Variants in NFIX observed in about 807,000 individuals in gnomAD.
NFIX encodes the protein nuclear factor I X, also known as nuclear factor 1 X-type.
Under a neutral mutation model 53.3 loss-of-function variants are expected in NFIX, and 2 were observed. That is an observed-to-expected ratio of 0.04 (90% CI 0.02 to 0.12). NFIX has a LOEUF of 0.12. NFIX is among the 10% of genes least tolerant of loss of function. The probability of loss-of-function intolerance (pLI) is 1.00; values close to 1 mark genes in which losing one functional copy is unlikely to be tolerated. For missense variants in NFIX, 310 were observed against 674.5 expected, an observed-to-expected ratio of 0.46 and a Z score of 5.99; for synonymous variants, 244 against 289.0, an observed-to-expected ratio of 0.84 and a Z score of 1.58.
chr19:13,078,812 G>C lies in NFIX; in HGVS notation c.1078+77G>C. 1 of 1,483,324 alleles carries C rather than the reference G, an allele frequency of 6.7e-7. No individual in the cohort carries two copies. Among genetic ancestry groups the C allele is most frequent in the Non-Finnish European group, 9.1e-7 (1 of 1,101,858 alleles). The allele number at this position is 1,483,324 out of a possible 1,614,324, so 91.9% of individuals were successfully genotyped here. ...CTAGGGGCAGCTGGCCAGGTGAAGG[G>C]GCCAGAGCTGACCCCGAGTGACAGC... On this transcript the variant is annotated intron_variant, in intron 7 of 10. Transcript: ENST00000592199. The surrounding 1 kb of genome is among the most constrained non-coding windows in gnomAD (Gnocchi z 4.7).
At chr19:13,083,881 T>C (rs2017620361) in intron 8 of NFIX, among the ~76,000 whole-genome samples, 1 of 152,118 alleles carries the variant, frequency 6.6e-6, no homozygotes, top group South Asian at 2.1e-4. Context: ...ACTGATCCAG[T>C]GGGTAGGGAG....
rs1251574715 is a variant in NFIX at position 13,094,815 on chromosome 19, C to T, written c.*166C>T. On this transcript the variant is annotated 3_prime_UTR_variant, in exon 11 of 11. Coordinates refer to ENST00000592199, the MANE Select transcript of NFIX (RefSeq NM_001365902.3). This position sits in a 1 kb window ranked among gnomAD's most constrained non-coding sequence, Gnocchi z 4.3. ...CCTTCTCTCCTCCAGCCCGGGGACC[C>T]CCGCGGGCCCCAGAAGCAGCCCAGT... is the stretch of plus-strand genomic sequence containing the variant. The T allele has an allele frequency of 1.5e-6, 1 of 686,552 alleles. No homozygotes were observed. Among genetic ancestry groups the T allele is most frequent in the East Asian group, 2.8e-5 (1 of 36,076 alleles). 42.5% of individuals were successfully genotyped at this position (686,552 alleles called of 1,614,324 possible).
rs2017947693 is a variant in NFIX, at chr19:13,088,671, C to A, written c.1402+535C>A. ...AAGACGCAGCAGGCCAGCCCGACCC[C>A]TTCCCCCTCAGTCTCACATTTGGTT... On this transcript the variant is annotated intron_variant, in intron 9 of 10. Coordinates refer to ENST00000592199, the MANE Select transcript of NFIX (RefSeq NM_001365902.3). This position sits in a 1 kb window ranked among gnomAD's most constrained non-coding sequence, Gnocchi z 5.9. 6.6e-6 allele frequency among the ~76,000 whole-genome samples: 1 copy of A among 151,940 alleles called. No individual in the cohort carries two copies.
chr19:13,088,273 A>G lies in NFIX; in HGVS notation c.1402+137A>G. 9.1e-7 allele frequency: 1 copy of G among 1,104,760 alleles called. No individual in the cohort carries two copies. The allele number at this position is 1,104,760 out of a possible 1,614,324, so 68.4% of individuals were successfully genotyped here. Reference sequence around the variant, plus strand: ...CCCAGAGCACCATGGACAAGAGCAGAGCCGAGCCCCCCAACCACAGCCTCC... The same window carrying G: ...CCCAGAGCACCATGGACAAGAGCAGGGCCGAGCCCCCCAACCACAGCCTCC... On this transcript the variant is annotated intron_variant, in intron 9 of 10. Transcript: ENST00000592199. This position sits in a 1 kb window ranked among gnomAD's most constrained non-coding sequence, Gnocchi z 5.9.
chr19:13,019,819 C>A (rs1186146189), intron 1 of NFIX, among the ~76,000 whole-genome samples: 1 of 150,300 alleles, frequency 6.7e-6, no homozygotes, highest in African/African-American at 2.5e-5. Flanking sequence ...TTTCCACAAA[C>A]CAAAAACCCA....
chr19:13,097,183 T>C lies in NFIX; in HGVS notation c.*2534T>C, dbSNP rs2018515084. ...TGTTTTTCCCTTTTTTTTGTTCGTT[T>C]TTAGTTTTTTTTTTTTTAAGTCGTT... On this transcript the variant is annotated 3_prime_UTR_variant, in exon 11 of 11. Transcript: ENST00000592199. 6.7e-6 allele frequency: 1 copy of C among 150,042 alleles called. No individual in the cohort carries two copies. Among genetic ancestry groups the C allele is most frequent in the Admixed American group, 6.6e-5 (1 of 15,114 alleles). 9.3% of individuals were successfully genotyped at this position (150,042 alleles called of 1,614,324 possible).
At position 13,081,617 on chromosome 19, in the gene NFIX, G is replaced by C; in HGVS notation, c.1079-63G>C. 6.4e-7 allele frequency: 1 copy of C among 1,551,262 alleles called. No homozygotes were observed. The highest frequency in any genetic ancestry group is 8.7e-7 in the Non-Finnish European group (1 of 1,143,822). On this transcript the variant is annotated intron_variant, in intron 7 of 10. Coordinates refer to ENST00000592199, the MANE Select transcript of NFIX (RefSeq NM_001365902.3). This position sits in a 1 kb window ranked among gnomAD's most constrained non-coding sequence, Gnocchi z 4.7. ...TGACCGGCAGCTCCCCTCCTCTCCT[G>C]TCCCTCCCACTGGCTGCCTCCTTGG...
At chr19:13,056,178 A>G (rs965999031) in intron 2 of NFIX, among the ~76,000 whole-genome samples, 1 of 152,078 alleles carries the variant, frequency 6.6e-6, no homozygotes, top group African/African-American at 2.4e-5. Flanking sequence ...GGAGTTGGGG[A>G]AGCAGGCGGG....
intron 2 of NFIX, among the ~76,000 whole-genome samples, chr19:13,041,718 C>A (rs980213929): frequency 1.3e-5 from 2 of 150,052 alleles, no homozygotes; most frequent in African/African-American, 2.5e-5. Flanking sequence ...CACTTGAACC[C>A]GGGAGGCAGA....
Position 13,073,413 on chromosome 19 carries a change from C to T in NFIX, c.623-9C>T, listed in dbSNP as rs367586940. 2 of 1,613,272 alleles carry T rather than the reference C, an allele frequency of 1.2e-6. No homozygotes were observed. The highest frequency in any genetic ancestry group is 1.3e-5 in the African/African-American group (1 of 74,908). On this transcript the variant is annotated splice_polypyrimidine_tract_variant and intron_variant, in intron 3 of 10. Coordinates refer to ENST00000592199, the MANE Select transcript of NFIX (RefSeq NM_001365902.3). This position sits in a 1 kb window ranked among gnomAD's most constrained non-coding sequence, Gnocchi z 4.5. ...TTGTCTTGACTCACTCATCCTTTCCCCTCTTCAGGGCACTTAAGTTTCCAG... is the reference window on the plus strand; with the variant it reads ...TTGTCTTGACTCACTCATCCTTTCCTCTCTTCAGGGCACTTAAGTTTCCAG...
At chr19:13,032,547 G>A (rs770359718) in intron 2 of NFIX, among the ~76,000 whole-genome samples, 7 of 152,086 alleles carry the variant, frequency 4.6e-5, no homozygotes, top group Non-Finnish European at 7.4e-5. Context: ...CCCAGATTCC[G>A]CCTTTGAAGG....
intron 2 of NFIX, among the ~76,000 whole-genome samples, chr19:13,055,925 C>T (rs2015653734): frequency 6.6e-6 from 1 of 152,192 alleles, no homozygotes; most frequent in African/African-American, 2.4e-5. Flanking sequence ...CCCAGCCCCA[C>T]GGAGGTGACC....
Position 13,009,684 on chromosome 19 carries a change from C to T in NFIX, c.27+13820C>T, listed in dbSNP as rs1211722820. On this transcript the variant is annotated intron_variant, in intron 1 of 10. Coordinates refer to ENST00000592199, the MANE Select transcript of NFIX (RefSeq NM_001365902.3). The surrounding 1 kb of genome is among the most constrained non-coding windows in gnomAD (Gnocchi z 4.7). ...CCCTGGCTGGGAAAACAGGGCCACG[C>T]CCTCCCCACCAAATGCTACTTGGCT... Among the ~76,000 whole-genome samples, 4 of 152,226 alleles carry T rather than the reference C, an allele frequency of 2.6e-5. No individual in the cohort carries two copies. The highest frequency in any genetic ancestry group is 7.2e-5 in the African/African-American group (3 of 41,462).
intron 2 of NFIX, among the ~76,000 whole-genome samples, chr19:13,035,383 AT>A (rs1162855623): frequency 6.6e-6 from 1 of 151,824 alleles, no homozygotes; most frequent in Non-Finnish European, 1.5e-5. Context: ...TTCCTCTCTG[AT>A]TTTTTGCATA....
chr19:13,002,372 A>G lies in NFIX; in HGVS notation c.27+6508A>G, dbSNP rs2011756131. On this transcript the variant is annotated intron_variant, in intron 1 of 10. Transcript: ENST00000592199. This position sits in a 1 kb window ranked among gnomAD's most constrained non-coding sequence, Gnocchi z 6.1. Reference sequence around the variant, plus strand: ...TAAAGGAAGAAGGGCTAGCTCCCCAACCCCCCCTTCCTCACCACCTCCCCC... The same window carrying G: ...TAAAGGAAGAAGGGCTAGCTCCCCAGCCCCCCCTTCCTCACCACCTCCCCC... Among the ~76,000 whole-genome samples, 1 of 147,490 alleles carries G rather than the reference A, an allele frequency of 6.8e-6. No individual in the cohort carries two copies. Among genetic ancestry groups the G allele is most frequent in the Non-Finnish European group, 1.5e-5 (1 of 66,836 alleles).
intron 1 of NFIX, among the ~76,000 whole-genome samples, chr19:12,999,881 C>T (rs576993937): frequency 6.6e-6 from 1 of 152,392 alleles, no homozygotes; most frequent in Admixed American, 6.5e-5. Context: ...GGCATTTTCT[C>T]TCCGGCTCTG....
At chr19:13,034,426 G>A (rs1385696665) in intron 2 of NFIX, among the ~76,000 whole-genome samples, 1 of 152,192 alleles carries the variant, frequency 6.6e-6, no homozygotes, top group East Asian at 1.9e-4. Context: ...GGCCAGGTTG[G>A]CTGGATGCTC....
Position 13,068,442 on chromosome 19 carries a change from T to C in NFIX, c.560-4605T>C, listed in dbSNP as rs2016565039. Among the ~76,000 whole-genome samples, 2 of 152,068 alleles carry C rather than the reference T, an allele frequency of 1.3e-5. No individual in the cohort carries two copies. The highest frequency in any genetic ancestry group is 6.5e-5 in the Admixed American group (1 of 15,270). ...CAGGGGCTGAGAAGGGGAGCTGGTGTGGGTGTGAGAAGGGCAATTTTGCAG... is the reference window on the plus strand; with the variant it reads ...CAGGGGCTGAGAAGGGGAGCTGGTGCGGGTGTGAGAAGGGCAATTTTGCAG... On this transcript the variant is annotated intron_variant, in intron 2 of 10. Coordinates refer to ENST00000592199, the MANE Select transcript of NFIX (RefSeq NM_001365902.3). This position sits in a 1 kb window ranked among gnomAD's most constrained non-coding sequence, Gnocchi z 4.2.
rs1366093033 is a variant in NFIX at position 13,060,548 on chromosome 19, G to A, written c.560-12499G>A. On this transcript the variant is annotated intron_variant, in intron 2 of 10. Transcript: ENST00000592199. The surrounding 1 kb of genome is among the most constrained non-coding windows in gnomAD (Gnocchi z 4.3). ...AAGCCTGGGTAAGCTGCTAATGGCT[G>A]GTAGTATGGGTGTCCAAGGACCTGT... is the stretch of plus-strand genomic sequence containing the variant. 2.0e-5 allele frequency among the ~76,000 whole-genome samples: 3 copies of A among 152,248 alleles called. No individual in the cohort carries two copies. The highest frequency in any genetic ancestry group is 2.0e-4 in the Admixed American group (3 of 15,292).
Sources: allele counts gnomAD v4.1 joint callset (sites outside exome capture counted in the v4.1 genomes callset), GRCh38; gene constraint gnomAD v4.1.1; non-coding constraint Gnocchi (gnomAD v3.1); transcripts MANE v1.5; gene names NCBI Gene and HGNC (gene_info 2026-07-23, HGNC 2026-07-21).